The following NSD2 variants were observed in gnomAD, a reference collection of about 807,000 sequenced individuals.
NSD2 encodes histone-lysine N-methyltransferase NSD2.
In NSD2, 12 loss-of-function variants were observed where a neutral mutation model predicts 139.0. That is an observed-to-expected ratio of 0.09 (90% CI 0.06 to 0.14). NSD2 has a LOEUF of 0.14. Among genes scored for constraint, NSD2 ranks in the 10% least tolerant of loss-of-function variants. The pLI is 1.00. For synonymous variants in NSD2, 669 were observed against 648.7 expected, an observed-to-expected ratio of 1.03 and a Z score of -0.48; for missense variants, 1,155 against 1,745.0, an observed-to-expected ratio of 0.66 and a Z score of 6.02.
intron 9 of NSD2, chr4:1,943,648 C>T (rs1284387599): frequency 1.9e-6 from 2 of 1,047,604 alleles, no homozygotes; most frequent in Non-Finnish European, 2.3e-6. Context: ...ATACATAGCC[C>T]CAAAGATGGT....
In NSD2 at chr4:1,955,313, G is replaced by A; in HGVS notation, c.2491G>A (p.Val831Met). The change falls in exon 13 of 22, where the codon GTG (valine) becomes ATG (methionine). Residue 831 changes from valine to methionine, a missense_variant. Transcript: ENST00000508803. This position sits in a 1 kb window ranked among gnomAD's most constrained non-coding sequence, Gnocchi z 4.7. ...KGKRHHAHVNVSWCFVCSKGG... is the reference protein window; with the variant it reads ...KGKRHHAHVNMSWCFVCSKGG... ...GAAGCGACACCACGCCCACGTCAAC[G>A]TGAGCTGGTGCTTCGTGTGCTCCAA... The A allele has an allele frequency of 6.2e-7, 1 of 1,613,482 alleles. No homozygotes were observed. The highest frequency in any genetic ancestry group is 8.5e-7 in the Non-Finnish European group (1 of 1,179,784).
chr4:1,932,076 C>A (rs1721700499), intron 6 of NSD2, among the ~76,000 whole-genome samples: 1 of 152,136 alleles, frequency 6.6e-6, no homozygotes, highest in Non-Finnish European at 1.5e-5. Flanking sequence ...TTTCAGGTGA[C>A]CCTGGTGCTA....
At chr4:1,945,109 T>A in intron 9 of NSD2, 1 of 1,066,500 alleles carries the variant, frequency 9.4e-7, no homozygotes, top group African/African-American at 1.6e-5. Context: ...GCTTAGAGGA[T>A]CTCCGAGAGG....
intron 1 of NSD2, among the ~76,000 whole-genome samples, chr4:1,871,843 G>A (rs1713796557): frequency 1.4e-5 from 2 of 148,098 alleles, no homozygotes; most frequent in Admixed American, 6.7e-5. Context: ...GGGAGGGGCG[G>A]CGGCCTGCGG....
Position 1,974,663 on chromosome 4 carries a change from C to T in NSD2, c.3373-200C>T, listed in dbSNP as rs774259457. ...GCTCACTAAGGCTCGGTCCTCTCCA[C>T]GTGGTCCTGACCTGTCCTCTGTGAG... On this transcript the variant is annotated intron_variant, in intron 18 of 21. Transcript: ENST00000508803. The surrounding 1 kb of genome is among the most constrained non-coding windows in gnomAD (Gnocchi z 4.0). 1.0e-5 allele frequency: 8 copies of T among 801,842 alleles called. No individual in the cohort carries two copies. The highest frequency in any genetic ancestry group is 5.0e-5 in the East Asian group (2 of 40,008). The allele number at this position is 801,842 out of a possible 1,614,324, so 49.7% of individuals were successfully genotyped here. A position where few individuals can be genotyped will look rare whatever the true frequency, so the allele number is the denominator to read the frequency against.
intron 1 of NSD2, among the ~76,000 whole-genome samples, chr4:1,872,587 T>TGAGA (rs1308253764): frequency 2.5e-3 from 123 of 50,056 alleles, no homozygotes; most frequent in African/African-American, 5.4e-3. Flanking sequence ...TGTGTGTGTG[T>TGAGA]GTGTGAGAGA....
At chr4:1,940,192 AC>A in intron 9 of NSD2, 1 of 1,085,128 alleles carries the variant, frequency 9.2e-7, no homozygotes, top group Non-Finnish European at 1.1e-6. Context: ...CGACTCACAC[AC>A]CACACCTGAT....
chr4:1,978,922 G>T lies in NSD2; in HGVS notation c.*13G>T. On this transcript the variant is annotated 3_prime_UTR_variant, in exon 22 of 22. Transcript: ENST00000508803. ...AGAGGGCAAATAGCGCCAGGCGGCC[G>T]CTTGGCCGGATCCAGGGGCGGTGCA... The T allele has an allele frequency of 1.3e-6, 2 of 1,486,466 alleles. No homozygotes were observed. The highest frequency in any genetic ancestry group is 1.8e-6 in the Non-Finnish European group (2 of 1,115,488). 92.1% of individuals were successfully genotyped at this position (1,486,466 alleles called of 1,614,324 possible).
At chr4:1,883,872 C>T (rs1401195018) in intron 1 of NSD2, among the ~76,000 whole-genome samples, 2 of 152,204 alleles carry the variant, frequency 1.3e-5, no homozygotes, top group African/African-American at 2.4e-5. Flanking sequence ...GCAGGAGCTG[C>T]GTTGCTGCCT....
At chr4:1,971,241 A>T (rs1483300276) in intron 18 of NSD2, among the ~76,000 whole-genome samples, 2 of 152,126 alleles carry the variant, frequency 1.3e-5, no homozygotes, top group Non-Finnish European at 2.9e-5. Flanking sequence ...AAGTCGAAGA[A>T]AGGAGTTGTT....
intron 1 of NSD2, among the ~76,000 whole-genome samples, chr4:1,878,535 G>A (rs1714471794): frequency 1.3e-5 from 2 of 151,910 alleles, no homozygotes; most frequent in South Asian, 2.1e-4. Flanking sequence ...GTGAAGGCAG[G>A]GACTTTTTTC....
chr4:1,885,116 A>G (rs149198168), intron 1 of NSD2, among the ~76,000 whole-genome samples: 1 of 150,926 alleles, frequency 6.6e-6, no homozygotes, highest in Non-Finnish European at 1.5e-5. Flanking sequence ...GTTTCAAAAA[A>G]AAAAAATAAA....
At chr4:1,932,635 A>G (rs1436269975) in intron 6 of NSD2, among the ~76,000 whole-genome samples, 1 of 152,082 alleles carries the variant, frequency 6.6e-6, no homozygotes, top group African/African-American at 2.4e-5. Context: ...AATCCCAGCT[A>G]CTTGGGAGGC....
Position 1,972,747 on chromosome 4 carries a change from C to G in NSD2, c.3373-2116C>G, listed in dbSNP as rs1440641849. ...CTCAGCAAACCGAAAACGCATGAAG[C>G]AAAAGGGTAAAATAGTTGCATAAGG... On this transcript the variant is annotated intron_variant, in intron 18 of 21. Coordinates refer to ENST00000508803, the MANE Select transcript of NSD2 (RefSeq NM_001042424.3). The surrounding 1 kb of genome is among the most constrained non-coding windows in gnomAD (Gnocchi z 4.0). Among the ~76,000 whole-genome samples the G allele has an allele frequency of 1.3e-5, 2 of 152,224 alleles. No individual in the cohort carries two copies. Among genetic ancestry groups the G allele is most frequent in the African/African-American group, 4.8e-5 (2 of 41,448 alleles).
chr4:1,904,694 A>C (rs1339432866), intron 3 of NSD2, among the ~76,000 whole-genome samples: 1 of 152,204 alleles, frequency 6.6e-6, no homozygotes, highest in East Asian at 1.9e-4. Context: ...AGAGTGTTTT[A>C]TGCTAAGTTT....
chr4:1,952,832 G>T (rs182383701), intron 11 of NSD2: 33 of 1,219,188 alleles, frequency 2.7e-5, no homozygotes, highest in East Asian at 3.8e-5. Flanking sequence ...CCTACTCACC[G>T]GGCCCAAGGA....
chr4:1,920,499 T>G (rs1719974105), intron 5 of NSD2, among the ~76,000 whole-genome samples: 1 of 152,244 alleles, frequency 6.6e-6, no homozygotes, highest in Non-Finnish European at 1.5e-5. Flanking sequence ...TGTGTAATGC[T>G]CATCTCCATA....
intron 2 of NSD2, among the ~76,000 whole-genome samples, chr4:1,902,456 T>A (rs1012410910): frequency 6.6e-6 from 1 of 152,082 alleles, no homozygotes; most frequent in Non-Finnish European, 1.5e-5. Flanking sequence ...ACCCCTGGGC[T>A]CAAACGATCC....
chr4:1,956,399 AT>A lies in NSD2; in HGVS notation c.2881+214del, dbSNP rs1324880979. Among the ~76,000 whole-genome samples, 1 of 152,234 alleles carries A rather than the reference AT, an allele frequency of 6.6e-6. No individual in the cohort carries two copies. Among genetic ancestry groups the A allele is most frequent in the African/African-American group, 2.4e-5 (1 of 41,460 alleles). On this transcript the variant is annotated intron_variant, in intron 15 of 21. Coordinates refer to ENST00000508803, the MANE Select transcript of NSD2 (RefSeq NM_001042424.3). The surrounding 1 kb of genome is among the most constrained non-coding windows in gnomAD (Gnocchi z 5.3). Reference sequence around the variant, plus strand: ...CTTTTGTAACATTGGTTTGTGATTAATTTCATTAAAATTCTGTAAACCTATT... The same window carrying A: ...CTTTTGTAACATTGGTTTGTGATTAATTCATTAAAATTCTGTAAACCTATT...
Sources: allele counts gnomAD v4.1 joint callset (sites outside exome capture counted in the v4.1 genomes callset), GRCh38; gene constraint gnomAD v4.1.1; non-coding constraint Gnocchi (gnomAD v3.1); transcripts MANE v1.5; gene names NCBI Gene and HGNC (gene_info 2026-07-23, HGNC 2026-07-21).